Variants in ITGB2 observed in about 807,000 individuals in gnomAD.
ITGB2 encodes the protein integrin beta-2.
In ITGB2, 56 loss-of-function variants were observed where a neutral mutation model predicts 86.8. The ratio of observed to expected loss-of-function variants is 0.65; its 90% CI spans 0.52 to 0.81. The LOEUF is 0.81. ITGB2 is among the 30% of genes least tolerant of loss of function. ITGB2 has a pLI of 0.00. For missense variants in ITGB2, 948 were observed against 1,061.2 expected, an observed-to-expected ratio of 0.89 and a Z score of 1.48; for synonymous variants, 457 against 450.4, an observed-to-expected ratio of 1.01 and a Z score of -0.19.
At chr21:44,903,233 TG>T in intron 5 of ITGB2, 131 bp downstream of exon 5, 12 of 1,029,560 alleles carry the variant, frequency 1.2e-5, no homozygotes, top group Middle Eastern at 2.8e-4. Flanking sequence ...GTGGATGCCC[TG>T]GGGGGACCTG....
At chr21:44,913,830 G>A (rs192457563) in intron 1 of ITGB2, among the ~76,000 whole-genome samples, 7 of 152,334 alleles carry the variant, frequency 4.6e-5, no homozygotes, top group African/African-American at 1.7e-4. Context: ...GTGCCTGGAG[G>A]TGGTCGAAGG....
rs564916315 is a variant in ITGB2, at chr21:44,892,204, C to T, written c.1225-208G>A. ...TGCTCTGCCCGCACTCCCGCACTGG[C>T]CGGCACCAGGATCTCCCCGGCCACA... On this transcript the variant is annotated intron_variant, in intron 10 of 15. Coordinates refer to ENST00000652462, the MANE Select transcript of ITGB2 (RefSeq NM_000211.5). 2.0e-4 allele frequency among the ~76,000 whole-genome samples: 31 copies of T among 152,358 alleles called. 1 individual carries two copies. The South Asian group carries it at 5.8e-3, about 28-fold the overall frequency.
intron 1 of ITGB2, among the ~76,000 whole-genome samples, chr21:44,916,762 C>T (rs796496384): frequency 1.2e-4 from 18 of 150,804 alleles, no homozygotes; most frequent in African/African-American, 2.9e-4. Flanking sequence ...CAGCTACTCG[C>T]GAGGCTGAGG....
intron 1 of ITGB2, among the ~76,000 whole-genome samples, chr21:44,913,334 C>A (rs1329123894): frequency 5.3e-5 from 8 of 152,166 alleles, no homozygotes. Flanking sequence ...ACACTTCATA[C>A]CCTCAAATGG....
At chr21:44,904,857 C>A (rs578024402) in intron 4 of ITGB2, among the ~76,000 whole-genome samples, 2 of 151,948 alleles carry the variant, frequency 1.3e-5, no homozygotes, top group East Asian at 3.9e-4. Flanking sequence ...CACACACATG[C>A]GCTCACACAC....
chr21:44,912,631 A>G (rs924638391), intron 1 of ITGB2, among the ~76,000 whole-genome samples: 7 of 152,122 alleles, frequency 4.6e-5, no homozygotes, highest in African/African-American at 1.7e-4. Flanking sequence ...AAGCCCCCAT[A>G]TCTCTGATCG....
At chr21:44,903,631 T>G in intron 4 of ITGB2, 96 bp from the exon 5 acceptor site, 2 of 1,435,378 alleles carry the variant, frequency 1.4e-6, no homozygotes, top group Non-Finnish European at 1.9e-6. Flanking sequence ...ACTGGCACCC[T>G]CTCCTCCAGC....
chr21:44,895,509 G>A (rs235332), intron 8 of ITGB2, among the ~76,000 whole-genome samples: 32,367 of 145,528 alleles, frequency 0.22, 3,594 homozygotes, highest in East Asian at 0.27. Context: ...CAGCCTGGGC[G>A]ACAGAGCAAG....
chr21:44,898,522 G>A (rs1441908644), intron 8 of ITGB2, among the ~76,000 whole-genome samples: 1 of 152,220 alleles, frequency 6.6e-6, no homozygotes, highest in Non-Finnish European at 1.5e-5. Context: ...AACAGCACCT[G>A]AGCGTCTTGA....
At chr21:44,899,205 C>T (rs1214027945) in intron 7 of ITGB2, 43 bp from the exon 8 acceptor site, 3 of 1,461,362 alleles carry the variant, frequency 2.1e-6, no homozygotes, top group Non-Finnish European at 2.9e-6. Flanking sequence ...GAGTCCAGGA[C>T]AAGGCTTCCA....
Position 44,886,377 on chromosome 21 carries a change from A to G in ITGB2, c.2301T>C (p.Ala767=). The stretch of plus-strand genomic sequence containing the variant: ...TCTTCACCAAGTGCTCCTAACTCTC[A>G]GCAAACTTGGGGTTCATGACCGTCG... ...ATTTVMNPKF[A]ES is the part of the protein sequence containing the mutation. Residue 767 remains alanine, a synonymous_variant, in exon 16 of 16, where the codon GCT becomes GCC. Coordinates refer to ENST00000652462, the MANE Select transcript of ITGB2 (RefSeq NM_000211.5). 6.2e-7 allele frequency: 1 copy of G among 1,614,078 alleles called. No individual in the cohort carries two copies. Among genetic ancestry groups the G allele is most frequent in the Non-Finnish European group, 8.5e-7 (1 of 1,179,946 alleles).
At position 44,888,723 on chromosome 21, in the gene ITGB2, G is replaced by A. The variant is rs147238010; in HGVS notation, c.2050C>T (p.Arg684Cys). 7.3e-4 allele frequency: 1,171 copies of A among 1,610,570 alleles called. No individual in the cohort carries two copies. The highest frequency in any genetic ancestry group is 1.3e-3 in the African/African-American group (101 of 75,064). ...YTLEQQDGMDRYLIYVDESRE... is the reference protein window; with the variant it reads ...YTLEQQDGMDCYLIYVDESRE... ...CTCTCATCCACATAGATGAGGTAGC[G>A]GTCCATCCCGTCCTGCTGCTCCAGC... The change falls in exon 14 of 16, where the codon CGC becomes TGC. Residue 684 changes from arginine to cysteine, a missense_variant. Arg to Cys is a radical substitution (Grantham distance 180, BLOSUM62 -3). Coordinates refer to ENST00000652462, the MANE Select transcript of ITGB2 (RefSeq NM_000211.5).
At position 44,910,264 on chromosome 21, in the gene ITGB2, G is replaced by C; in HGVS notation, c.147+20C>G. ...CACCCAGGAGCTGGGCAGGTGGGGA[G>C]GGGTCCAGGAGGCACTTACCAGCTT... On this transcript the variant is annotated intron_variant, in intron 3 of 15. Transcript: ENST00000652462. The C allele has an allele frequency of 6.2e-7, 1 of 1,611,970 alleles. No homozygotes were observed. Among genetic ancestry groups the C allele is most frequent in the Non-Finnish European group, 8.5e-7 (1 of 1,179,050 alleles).
chr21:44,915,363 A>G (rs1222746535), intron 1 of ITGB2, among the ~76,000 whole-genome samples: 1 of 152,144 alleles, frequency 6.6e-6, no homozygotes, highest in Non-Finnish European at 1.5e-5. Context: ...CCCTAAGACG[A>G]GACTGCTTGA....
intron 6 of ITGB2, among the ~76,000 whole-genome samples, 166 bp from the exon 7 acceptor site, chr21:44,900,641 C>G (rs983541882): frequency 8.5e-6 from 1 of 117,758 alleles, no homozygotes; most frequent in Non-Finnish European, 2.2e-5. Flanking sequence ...AGACGCCACG[C>G]CCAGGAGGAG....
Position 44,889,281 on chromosome 21 carries a change from C to T in ITGB2, c.1872G>A (p.Lys624=). The T allele has an allele frequency of 6.2e-7, 1 of 1,612,666 alleles. No individual in the cohort carries two copies. Among genetic ancestry groups the T allele is most frequent in the Non-Finnish European group, 8.5e-7 (1 of 1,179,762 alleles). ...ECPGCPSPCG[K]YISCAECLKF... Reference sequence around the variant, plus strand: ...CCTGCTCCGCCTGCACTCACATGTACTTGCCACAGGGTGAGGGGCAGCCGG... The same window carrying T: ...CCTGCTCCGCCTGCACTCACATGTATTTGCCACAGGGTGAGGGGCAGCCGG... The change falls in exon 13 of 16, where the codon AAG becomes AAA. Residue 624 remains lysine, a synonymous_variant. Transcript: ENST00000652462.
intron 10 of ITGB2, 165 bp downstream of exon 10, chr21:44,893,239 T>A: frequency 1.3e-6 from 1 of 744,914 alleles, no homozygotes. Flanking sequence ...CTCTGATGCC[T>A]GTGTGCCCCT....
chr21:44,895,735 G>A (rs1185805813), intron 8 of ITGB2, among the ~76,000 whole-genome samples: 1 of 151,348 alleles, frequency 6.6e-6, no homozygotes, highest in Non-Finnish European at 1.5e-5. Context: ...CAGCTACTCA[G>A]GAGACTGAGG....
Position 44,893,532 on chromosome 21 carries a change from T to C in ITGB2, c.1096A>G (p.Arg366Gly). Residue 366 changes from arginine to glycine, a missense_variant, in exon 10 of 16, where the codon AGG (arginine) becomes GGG (glycine). By Grantham distance (125) the Arg-to-Gly change is moderately radical (BLOSUM62 -2). Transcript: ENST00000652462. Reference protein sequence around the residue: ...IKNAYNKLSSRVFLDHNALPD... With the variant: ...IKNAYNKLSSGVFLDHNALPD... ...AGGGCGTTGTGATCCAGGAAGACCC[T>C]GGAGGAGAGTTTCTGCGGGCAGAGA... 6.2e-7 allele frequency: 1 copy of C among 1,613,906 alleles called. No individual in the cohort carries two copies. The highest frequency in any genetic ancestry group is 8.5e-7 in the Non-Finnish European group (1 of 1,179,876).
Sources: allele counts gnomAD v4.1 joint callset (sites outside exome capture counted in the v4.1 genomes callset), GRCh38; gene constraint gnomAD v4.1.1; transcripts MANE v1.5; gene names NCBI Gene and HGNC (gene_info 2026-07-23, HGNC 2026-07-21).